Variants in SORCS1 observed in about 807,000 individuals in gnomAD.
The protein encoded by SORCS1 is VPS10 domain-containing receptor SorCS1.
Under a neutral mutation model 146.1 loss-of-function variants are expected in SORCS1, and 60 were observed. The ratio of observed to expected loss-of-function variants is 0.41; its 90% CI spans 0.33 to 0.51. The LOEUF is 0.51. Ranked by LOEUF, SORCS1 falls within the 20% of genes least tolerant of loss-of-function variation. SORCS1 has a pLI of 0.21. For synonymous variants in SORCS1, 637 were observed against 584.0 expected, an observed-to-expected ratio of 1.09 and a Z score of -1.31; for missense variants, 1,352 against 1,487.6, an observed-to-expected ratio of 0.91 and a Z score of 1.50.
intron 2 of SORCS1, among the ~76,000 whole-genome samples, chr10:106,870,112 A>G (rs1045016917): frequency 6.6e-6 from 1 of 152,192 alleles, no homozygotes; most frequent in African/African-American, 2.4e-5. Context: ...AAAGGATAAA[A>G]TACCTAGAAA....
intron 5 of SORCS1, among the ~76,000 whole-genome samples, chr10:106,753,125 C>T (rs749854711): frequency 1.1e-4 from 16 of 150,686 alleles, no homozygotes; most frequent in Non-Finnish European, 1.9e-4. Flanking sequence ...TATATCTGGT[C>T]ATTTTTATCT....
At chr10:106,703,531 A>G (rs1854284648) in intron 8 of SORCS1, among the ~76,000 whole-genome samples, 1 of 152,232 alleles carries the variant, frequency 6.6e-6, no homozygotes, top group Non-Finnish European at 1.5e-5. Context: ...CTTAATGGCA[A>G]TGGCAATATT....
At chr10:106,799,467 T>C (rs937093339) in intron 3 of SORCS1, among the ~76,000 whole-genome samples, 1 of 152,176 alleles carries the variant, frequency 6.6e-6, no homozygotes, top group African/African-American at 2.4e-5. Flanking sequence ...AAGAAAATTT[T>C]TGCAATCTAC....
intron 5 of SORCS1, among the ~76,000 whole-genome samples, chr10:106,744,939 A>C (rs1475909339): frequency 1.3e-5 from 2 of 152,172 alleles, no homozygotes; most frequent in Non-Finnish European, 2.9e-5. Flanking sequence ...AGTCACAGAG[A>C]AAGTGCATTT....
chr10:107,180,808 A>G, the SORCS1 span, among the ~76,000 whole-genome samples: 1 of 152,144 alleles, frequency 6.6e-6, no homozygotes, highest in Non-Finnish European at 1.5e-5. Flanking sequence ...TCCTTAGGAT[A>G]TTTTGTAGTT....
At chr10:106,755,608 CT>C (rs1294509077) in intron 5 of SORCS1, among the ~76,000 whole-genome samples, 1 of 147,892 alleles carries the variant, frequency 6.8e-6, no homozygotes, top group African/African-American at 2.6e-5. Context: ...GTGTGTGTGT[CT>C]TTTTTTCCCT....
intron 1 of SORCS1, among the ~76,000 whole-genome samples, chr10:107,031,620 G>T (rs1958662519): frequency 6.6e-6 from 1 of 151,504 alleles, no homozygotes; most frequent in Non-Finnish European, 1.5e-5. Flanking sequence ...TTTTGGTGGG[G>T]GGGAATAGGG....
intron 1 of SORCS1, among the ~76,000 whole-genome samples, chr10:107,065,333 G>T (rs893658009): frequency 6.6e-6 from 1 of 152,108 alleles, no homozygotes; most frequent in Non-Finnish European, 1.5e-5. Context: ...GCAGCAAATC[G>T]TATTTAATAA....
chr10:107,109,268 G>A (rs968216307), intron 1 of SORCS1, among the ~76,000 whole-genome samples: 4 of 152,344 alleles, frequency 2.6e-5, no homozygotes, highest in Non-Finnish European at 4.4e-5. Flanking sequence ...CCCTAGTAGA[G>A]GTTCTCTGTG....
At chr10:106,831,086 G>A (rs1329125576) in intron 2 of SORCS1, among the ~76,000 whole-genome samples, 3 of 151,956 alleles carry the variant, frequency 2.0e-5, no homozygotes, top group African/African-American at 4.8e-5. Context: ...CCAGCTACTC[G>A]GGAGGCCAAG....
intron 2 of SORCS1, among the ~76,000 whole-genome samples, chr10:106,887,932 A>G (rs1352516640): frequency 6.6e-6 from 1 of 152,180 alleles, no homozygotes; most frequent in Non-Finnish European, 1.5e-5. Flanking sequence ...AAAGCTGCAA[A>G]CTGCATGCTC....
intron 24 of SORCS1, among the ~76,000 whole-genome samples, chr10:106,592,732 G>A (rs1042904104): frequency 4.7e-5 from 7 of 150,146 alleles, no homozygotes; most frequent in African/African-American, 1.7e-4. Context: ...GAGAAATAGA[G>A]TTGATGTGGA....
Position 106,867,897 on chromosome 10 carries a change from T to A in SORCS1, c.627-38224A>T, listed in dbSNP as rs184467350. Among the ~76,000 whole-genome samples, 523 of 152,214 alleles carry A rather than the reference T, an allele frequency of 3.4e-3. 6 individuals are homozygous for A. The highest frequency in any genetic ancestry group is 0.012 in the African/African-American group (511 of 41,534). On this transcript the variant is annotated intron_variant, in intron 2 of 25. Transcript: ENST00000263054. ...TGTAAACTGGCTAAATGCCCCACTT[T>A]AAAGGCACAGAGTGTCAAGCTGGAT...
At chr10:106,804,332 C>T (rs968470353) in intron 3 of SORCS1, among the ~76,000 whole-genome samples, 7 of 101,328 alleles carry the variant, frequency 6.9e-5, no homozygotes, top group Admixed American at 4.3e-4. Context: ...ACTCTGTTTC[C>T]GAAGAGAAAA....
chr10:106,611,700 G>A (rs1278007381), intron 22 of SORCS1, among the ~76,000 whole-genome samples: 1 of 152,224 alleles, frequency 6.6e-6, no homozygotes, highest in Non-Finnish European at 1.5e-5. Context: ...TTTGTCCGTG[G>A]TTCCATAGTT....
At chr10:106,852,008 G>C (rs1465647963) in intron 2 of SORCS1, among the ~76,000 whole-genome samples, 1 of 152,036 alleles carries the variant, frequency 6.6e-6, no homozygotes, top group Non-Finnish European at 1.5e-5. Flanking sequence ...TTTGTTACTA[G>C]TGTATATTAC....
chr10:106,961,634 C>T (rs11193132), intron 1 of SORCS1, among the ~76,000 whole-genome samples: 1 of 152,112 alleles, frequency 6.6e-6, no homozygotes, highest in South Asian at 2.1e-4. Context: ...AATGAAGAAA[C>T]CTGCAGAACT....
chr10:107,132,056 CTAAG>C (rs1302835152), intron 1 of SORCS1, among the ~76,000 whole-genome samples: 1 of 152,148 alleles, frequency 6.6e-6, no homozygotes, highest in South Asian at 2.1e-4. Flanking sequence ...TCAGACTCAA[CTAAG>C]TAAGAACTTA....
chr10:106,735,271 T>C (rs1856871189), intron 5 of SORCS1, among the ~76,000 whole-genome samples: 1 of 152,178 alleles, frequency 6.6e-6, no homozygotes, highest in East Asian at 1.9e-4. Flanking sequence ...ATCAATTATA[T>C]GAATAAATAC....
Sources: gnomAD v4.1 joint callset for allele counts (sites outside exome capture counted in the v4.1 genomes callset) on GRCh38, gnomAD v4.1.1 for gene constraint, MANE v1.5 for transcripts, NCBI Gene and HGNC (gene_info 2026-07-23, HGNC 2026-07-21) for gene names.